The following VEPH1 variants were observed in gnomAD, a reference collection of about 807,000 sequenced individuals.
The protein encoded by VEPH1 is ventricular zone-expressed PH domain-containing protein homolog 1.
In VEPH1, 80 loss-of-function variants were observed where a neutral mutation model predicts 85.2. That is an observed-to-expected ratio of 0.94 (90% CI 0.78 to 1.13). The LOEUF is 1.13. Ranked by LOEUF, VEPH1 falls within the 50% of genes most tolerant of loss-of-function variation. The pLI is 0.00. For synonymous variants in VEPH1, 297 were observed against 348.0 expected, an observed-to-expected ratio of 0.85 and a Z score of 1.63; for missense variants, 955 against 980.5, an observed-to-expected ratio of 0.97 and a Z score of 0.35.
intron 3 of VEPH1, 134 bp downstream of exon 3, chr3:157,470,180 C>G (rs1448082316): frequency 2.6e-6 from 2 of 767,920 alleles, no homozygotes; most frequent in Non-Finnish European, 2.1e-6. Flanking sequence ...GCCCTCCCAG[C>G]TATTGATGGC....
In VEPH1 at chr3:157,389,628, CAGATAGATAGATAGATAGATAGAT is replaced by C. The variant is rs3086054; in HGVS notation, c.907-8276_907-8253del. Among the ~76,000 whole-genome samples, 196 of 144,158 alleles carry C rather than the reference CAGATAGATAGATAGATAGATAGAT, an allele frequency of 1.4e-3. No individual in the cohort carries two copies. The Middle Eastern group carries it at 0.014, about 10-fold the overall frequency. The allele number at this position is 144,158 out of a possible 152,430, so 94.6% of individuals were successfully genotyped here. A position where few individuals can be genotyped will look rare whatever the true frequency, so the allele number is the denominator to read the frequency against. On this transcript the variant is annotated intron_variant, in intron 6 of 13. Transcript: ENST00000362010. ...ATAGGTAAATAGATGGATAGGTAAG[CAGATAGATAGATAGATAGATAGAT>C]AGATAGATAGATAGATAGATAGATA...
chr3:157,455,427 CT>C (rs35417902), intron 4 of VEPH1, among the ~76,000 whole-genome samples: 1 of 150,362 alleles, frequency 6.7e-6, no homozygotes, highest in Non-Finnish European at 1.5e-5. Context: ...CCTTTGCCGC[CT>C]TTTTTTTTCT....
rs139929911 is a variant in VEPH1, at chr3:157,469,683, A to G, written c.354+631T>C. Among the ~76,000 whole-genome samples, 1,414 of 152,350 alleles carry G rather than the reference A, an allele frequency of 9.3e-3. 13 individuals are homozygous for G. The highest frequency in any genetic ancestry group is 0.015 in the Non-Finnish European group (1,007 of 68,032). On this transcript the variant is annotated intron_variant, in intron 3 of 13. Coordinates refer to ENST00000362010, the MANE Select transcript of VEPH1 (RefSeq NM_001167912.2). ...AACATCTCTGGTTGGTAAATTTGTC[A>G]TAGACAATGTCATTTAATGTGCATT...
chr3:157,269,693 C>A (rs1915952), intron 12 of VEPH1, among the ~76,000 whole-genome samples: 44,214 of 135,740 alleles, frequency 0.33, 7,311 homozygotes, highest in South Asian at 0.46. Flanking sequence ...TGGCTGGGGA[C>A]GTGTCATTTT....
intron 12 of VEPH1, among the ~76,000 whole-genome samples, chr3:157,266,006 A>G (rs1053713351): frequency 3.3e-5 from 5 of 149,604 alleles, no homozygotes; most frequent in Admixed American, 1.4e-4. Context: ...GGAATAACCA[A>G]ATTAATTTGG....
intron 10 of VEPH1, 135 bp downstream of exon 10, chr3:157,316,927 A>G: frequency 1.2e-6 from 1 of 869,430 alleles, no homozygotes; most frequent in Non-Finnish European, 1.6e-6. Context: ...CCGAGGTTAA[A>G]GTTATTAATG....
intron 9 of VEPH1, among the ~76,000 whole-genome samples, chr3:157,327,777 G>A (rs1005067908): frequency 3.9e-5 from 6 of 152,292 alleles, no homozygotes; most frequent in East Asian, 1.9e-4. Flanking sequence ...CCTGCTTGCT[G>A]CTTTATGTTA....
intron 9 of VEPH1, among the ~76,000 whole-genome samples, chr3:157,359,578 C>T (rs1344566621): frequency 6.6e-6 from 1 of 152,136 alleles, no homozygotes; most frequent in Non-Finnish European, 1.5e-5. Flanking sequence ...TAGATTCTTA[C>T]TGATCTATTT....
intron 6 of VEPH1, among the ~76,000 whole-genome samples, chr3:157,403,846 C>T (rs1012307061): frequency 6.6e-6 from 1 of 152,180 alleles, no homozygotes. Flanking sequence ...CATGTCTAGA[C>T]TCCCTCAGGT....
chr3:157,290,464 C>T (rs545668625), intron 11 of VEPH1, among the ~76,000 whole-genome samples: 2 of 152,186 alleles, frequency 1.3e-5, no homozygotes, highest in Admixed American at 1.3e-4. Context: ...TAATTTGTTA[C>T]GCATTATTGA....
In VEPH1 at chr3:157,495,194, A is replaced by G. The variant is rs1739561352; in HGVS notation, c.138+18T>C. 1.9e-6 allele frequency: 3 copies of G among 1,612,786 alleles called. No individual in the cohort carries two copies. Among genetic ancestry groups the G allele is most frequent in the East Asian group, 4.5e-5 (2 of 44,850 alleles). On this transcript the variant is annotated intron_variant, in intron 2 of 13. Transcript: ENST00000362010. The stretch of plus-strand genomic sequence containing the variant: ...ACAGGCCATTTCAGAGATGTAGTCT[A>G]TAAACCAGTTTACTTACTGAAGATG...
chr3:157,267,102 C>CTTTTTTTTT (rs10537483), intron 12 of VEPH1, among the ~76,000 whole-genome samples: 82 of 124,622 alleles, frequency 6.6e-4, no homozygotes, highest in Middle Eastern at 4.1e-3. Context: ...TCTTTTTTTT[C>CTTTTTTTTT]TTTTTTTTTT....
chr3:157,460,633 G>A (rs1735778071), intron 3 of VEPH1, among the ~76,000 whole-genome samples: 1 of 152,220 alleles, frequency 6.6e-6, no homozygotes, highest in Non-Finnish European at 1.5e-5. Flanking sequence ...ACTCAATCCA[G>A]TCTTGGGGAA....
intron 7 of VEPH1, among the ~76,000 whole-genome samples, chr3:157,376,496 T>C (rs979165618): frequency 1.3e-5 from 2 of 152,260 alleles, no homozygotes; most frequent in Non-Finnish European, 1.5e-5. Context: ...ACCTGACACC[T>C]TCTCCTTTGC....
chr3:157,349,802 G>A (rs1724657196), intron 9 of VEPH1, among the ~76,000 whole-genome samples: 1 of 152,050 alleles, frequency 6.6e-6, no homozygotes, highest in Non-Finnish European at 1.5e-5. Context: ...CACCACCTAC[G>A]AATCAATTTA....
intron 11 of VEPH1, among the ~76,000 whole-genome samples, chr3:157,312,555 C>T (rs1559947696): frequency 6.6e-6 from 1 of 152,188 alleles, no homozygotes; most frequent in Non-Finnish European, 1.5e-5. Context: ...TTATCTTCTT[C>T]TGCTCCATCA....
chr3:157,453,165 A>C (rs2109317294), intron 4 of VEPH1, among the ~76,000 whole-genome samples: 1 of 152,308 alleles, frequency 6.6e-6, no homozygotes, highest in East Asian at 1.9e-4. Flanking sequence ...CAATCGCAAA[A>C]GTAAAACCCA....
chr3:157,420,932 T>C (rs1011233033), intron 5 of VEPH1, among the ~76,000 whole-genome samples: 35 of 152,236 alleles, frequency 2.3e-4, no homozygotes, highest in African/African-American at 8.2e-4. Flanking sequence ...GACTACAGCA[T>C]GGTTTACAGC....
In VEPH1 at chr3:157,390,822, T is replaced by A. The variant is rs112484706; in HGVS notation, c.907-9446A>T. On this transcript the variant is annotated intron_variant, in intron 6 of 13. Coordinates refer to ENST00000362010, the MANE Select transcript of VEPH1 (RefSeq NM_001167912.2). Reference sequence around the variant, plus strand: ...ACTAGGGGAAAAGAGCTGCGACCCTTCTGGAGGCCCAGACCTCAGGACTCC... The same window carrying A: ...ACTAGGGGAAAAGAGCTGCGACCCTACTGGAGGCCCAGACCTCAGGACTCC... Among the ~76,000 whole-genome samples the A allele has an allele frequency of 5.9e-5, 9 of 152,300 alleles. 1 individual carries two copies. Among genetic ancestry groups the A allele is most frequent in the African/African-American group, 2.2e-4 (9 of 41,570 alleles).
Sources: allele counts gnomAD v4.1 joint callset (sites outside exome capture counted in the v4.1 genomes callset), GRCh38; gene constraint gnomAD v4.1.1; transcripts MANE v1.5; gene names NCBI Gene and HGNC (gene_info 2026-07-23, HGNC 2026-07-21).